The following TMEM229B variants were observed in gnomAD, a reference collection of about 807,000 sequenced individuals.
The protein encoded by TMEM229B is transmembrane protein 229B, also known as chromosome 14 open reading frame 83.
A neutral mutation model predicts 13.7 loss-of-function variants in TMEM229B; 6 were observed. The ratio of observed to expected loss-of-function variants is 0.44; its 90% CI spans 0.24 to 0.86. The LOEUF is 0.86. Among genes scored for constraint, TMEM229B ranks in the 40% least tolerant of loss-of-function variants. The probability of loss-of-function intolerance (pLI) is 0.23; values close to 1 mark genes in which losing one functional copy is unlikely to be tolerated. For missense variants in TMEM229B, 170 were observed against 236.0 expected, an observed-to-expected ratio of 0.72 and a Z score of 1.83; for synonymous variants, 107 against 102.1, an observed-to-expected ratio of 1.05 and a Z score of -0.29.
chr14:67,491,299 C>A (rs1296027221), upstream of TMEM229B, among the ~76,000 whole-genome samples: 1 of 152,194 alleles, frequency 6.6e-6, no homozygotes, highest in East Asian at 1.9e-4. Context: ...AGAAACCTAT[C>A]AAATCTTATT....
At chr14:67,480,597 G>A (rs1350586987) in intron 2 of TMEM229B, among the ~76,000 whole-genome samples, 1 of 152,148 alleles carries the variant, frequency 6.6e-6, no homozygotes, top group Non-Finnish European at 1.5e-5. Flanking sequence ...TGAGACAGAT[G>A]GCACAGCACA....
At chr14:67,498,983 A>ATTTG (rs1389813333) in intron 1 of TMEM229B, among the ~76,000 whole-genome samples, 1 of 150,114 alleles carries the variant, frequency 6.7e-6, no homozygotes, top group Non-Finnish European at 1.5e-5. Flanking sequence ...CAATGGTTTT[A>ATTTG]TTTATTTATT....
chr14:67,473,075 C>T lies in TMEM229B; in HGVS notation c.*345G>A, dbSNP rs902016725. 3.6e-5 allele frequency: 10 copies of T among 277,942 alleles called. No individual in the cohort carries two copies. The highest frequency in any genetic ancestry group is 2.2e-4 in the African/African-American group (10 of 46,114). 17.2% of individuals were successfully genotyped at this position (277,942 alleles called of 1,614,324 possible). On this transcript the variant is annotated 3_prime_UTR_variant, in exon 3 of 3. Transcript: ENST00000554480. The surrounding 1 kb of genome is among the most constrained non-coding windows in gnomAD (Gnocchi z 6.5). ...AGGCCTTGCCTCCCACCTGCGGCCC[C>T]ATTCTCATTGTCCCTTGGCCAGGAC... is the stretch of plus-strand genomic sequence containing the variant.
chr14:67,489,812 AACCCCAT>A, upstream of TMEM229B, among the ~76,000 whole-genome samples: 1 of 152,130 alleles, frequency 6.6e-6, no homozygotes, highest in East Asian at 1.9e-4. Context: ...AACATGGTGA[AACCCCAT>A]CTCTACTAAA....
chr14:67,520,574 C>T lies in TMEM229B; in HGVS notation c.-192+13062G>A, dbSNP rs7141476. Among the ~76,000 whole-genome samples, 1,203 of 152,292 alleles carry T rather than the reference C, an allele frequency of 7.9e-3. 20 individuals are homozygous for T. The highest frequency in any genetic ancestry group is 0.028 in the African/African-American group (1,154 of 41,544). On this transcript the variant is annotated intron_variant, in intron 1 of 2. Coordinates refer to the TMEM229B transcript ENST00000554278. The stretch of plus-strand genomic sequence containing the variant: ...GTCTGGATATACCACAGATTATTTA[C>T]CCATCACCTACTGAAGGAAATCTTG...
At chr14:67,531,805 G>A (rs535556655) in intron 1 of TMEM229B, among the ~76,000 whole-genome samples, 2 of 146,898 alleles carry the variant, frequency 1.4e-5, no homozygotes, top group African/African-American at 2.5e-5. Flanking sequence ...CTGTTCATGA[G>A]GCTGAGATGG....
chr14:67,495,953 A>G (rs2032348605), intron 1 of TMEM229B, among the ~76,000 whole-genome samples: 1 of 152,194 alleles, frequency 6.6e-6, no homozygotes, highest in Non-Finnish European at 1.5e-5. Flanking sequence ...ACCTAATTCC[A>G]AAGCAAAGCC....
chr14:67,531,209 A>C (rs1402908045), intron 1 of TMEM229B, among the ~76,000 whole-genome samples: 1 of 152,184 alleles, frequency 6.6e-6, no homozygotes, highest in African/African-American at 2.4e-5. Flanking sequence ...TGAGCCTAGG[A>C]GTTCTGGGCT....
Position 67,473,804 on chromosome 14 carries a change from C to G in TMEM229B, c.120G>C (p.Lys40Asn), listed in dbSNP as rs1056152618. The G allele has an allele frequency of 6.2e-7, 1 of 1,613,942 alleles. No individual in the cohort carries two copies. Among genetic ancestry groups the G allele is most frequent in the South Asian group, 1.1e-5 (1 of 90,960 alleles). ...AWEFVVNLNW[K>N]FPGVTSVWAL... ...CCCACACGCTCGTGACCCCAGGGAA[C>G]TTCCAGTTCAAGTTCACCACGAACT... The change falls in exon 3 of 3, where the codon AAG (lysine) becomes AAC (asparagine). Residue 40 changes from lysine (K) to asparagine (N), a missense_variant. Physicochemically the swap from Lys to Asn is moderately conservative, Grantham distance 94. Coordinates refer to ENST00000554480, the MANE Select transcript of TMEM229B (RefSeq NM_001348543.2). This position sits in a 1 kb window ranked among gnomAD's most constrained non-coding sequence, Gnocchi z 6.5.
intron 1 of TMEM229B, among the ~76,000 whole-genome samples, chr14:67,502,194 G>A (rs1160246959): frequency 6.6e-6 from 1 of 151,834 alleles, no homozygotes; most frequent in African/African-American, 2.4e-5. Flanking sequence ...AGCTGGGTAT[G>A]GTGGCATGCG....
intron 1 of TMEM229B, among the ~76,000 whole-genome samples, chr14:67,512,105 A>T (rs1362943866): frequency 6.6e-6 from 1 of 152,204 alleles, no homozygotes; most frequent in Non-Finnish European, 1.5e-5. Context: ...TAACCTATGG[A>T]TCTACTCGGG....
chr14:67,516,649 A>G (rs1308237273), upstream of TMEM229B, among the ~76,000 whole-genome samples: 1 of 152,206 alleles, frequency 6.6e-6, no homozygotes, highest in Non-Finnish European at 1.5e-5. Context: ...ATGGGGCCGT[A>G]GGTCTTCCAT....
At chr14:67,489,641 T>C (rs1046868147), upstream of TMEM229B, among the ~76,000 whole-genome samples, 1 of 152,196 alleles carries the variant, frequency 6.6e-6, no homozygotes, top group Non-Finnish European at 1.5e-5. Context: ...CCATCACTGA[T>C]GTTCCCAGGG....
At chr14:67,528,063 G>A (rs1001201901) in intron 1 of TMEM229B, among the ~76,000 whole-genome samples, 9 of 152,176 alleles carry the variant, frequency 5.9e-5, no homozygotes, top group Non-Finnish European at 1.2e-4. Context: ...AGGACCTCTC[G>A]TAGTTCAGCT....
At chr14:67,498,035 C>T (rs1401552860) in intron 1 of TMEM229B, among the ~76,000 whole-genome samples, 1 of 152,144 alleles carries the variant, frequency 6.6e-6, no homozygotes, top group Non-Finnish European at 1.5e-5. Flanking sequence ...GGTTGAAGTT[C>T]TCTGAAGTTC....
At chr14:67,476,793 C>G (rs1283232520) in intron 2 of TMEM229B, among the ~76,000 whole-genome samples, 1 of 152,104 alleles carries the variant, frequency 6.6e-6, no homozygotes, top group Non-Finnish European at 1.5e-5. Context: ...CTGCCCATCT[C>G]TTAGACATAC....
chr14:67,521,218 C>T (rs1484852895), intron 1 of TMEM229B, among the ~76,000 whole-genome samples: 1 of 152,246 alleles, frequency 6.6e-6, no homozygotes, highest in Non-Finnish European at 1.5e-5. Flanking sequence ...CCATAATTTA[C>T]ATTTAGGTAA....
chr14:67,507,017 C>G (rs976491082), intron 1 of TMEM229B, among the ~76,000 whole-genome samples: 1 of 151,896 alleles, frequency 6.6e-6, no homozygotes, highest in African/African-American at 2.4e-5. Context: ...AAGAAAAAGC[C>G]TTGTTCAAAG....
chr14:67,511,433 G>A (rs941460060), intron 1 of TMEM229B, among the ~76,000 whole-genome samples: 1 of 152,160 alleles, frequency 6.6e-6, no homozygotes, highest in African/African-American at 2.4e-5. Context: ...AGACCTGTCC[G>A]TGTAGATGGT....
Sources: gnomAD v4.1 joint callset for allele counts (sites outside exome capture counted in the v4.1 genomes callset) on GRCh38, gnomAD v4.1.1 for gene constraint, Gnocchi (gnomAD v3.1) non-coding constraint, MANE v1.5 for transcripts, NCBI Gene and HGNC (gene_info 2026-07-23, HGNC 2026-07-21) for gene names.